Variants in CD48 observed in about 807,000 individuals in gnomAD.
CD48 encodes CD48 molecule.
In CD48, 20 loss-of-function variants were observed where a neutral mutation model predicts 22.0. The ratio of observed to expected loss-of-function variants is 0.91; its 90% CI spans 0.64 to 1.32. CD48 has a LOEUF of 1.32. Ranked by LOEUF, CD48 falls within the 40% of genes most tolerant of loss-of-function variation. CD48 has a pLI of 0.00. For missense variants in CD48, 307 were observed against 286.5 expected (o/e 1.07, Z -0.52); for synonymous variants, 110 against 110.1 (o/e 1.00, Z 0.01).
At chr1:160,681,751 G>GT (rs1306106979) in intron 2 of CD48, among the ~76,000 whole-genome samples, 2 of 152,180 alleles carry the variant, frequency 1.3e-5, no homozygotes, top group Non-Finnish European at 2.9e-5. Flanking sequence ...TTATGATCGT[G>GT]TGTGAGCCTG....
intron 1 of CD48, among the ~76,000 whole-genome samples, chr1:160,701,731 G>T (rs1364923236): frequency 6.6e-6 from 1 of 152,050 alleles, no homozygotes; most frequent in South Asian, 2.1e-4. Flanking sequence ...TGACCATCAG[G>T]GCCAGTGCAA....
At chr1:160,684,707 G>T (rs768684339) in intron 2 of CD48, 180 bp downstream of exon 2, 227 of 1,510,310 alleles carry the variant, frequency 1.5e-4, no homozygotes, top group Non-Finnish European at 1.9e-4. Flanking sequence ...TGTTAATTTG[G>T]ATATCTGTTG....
At chr1:160,691,313 C>T (rs531273351) in intron 1 of CD48, among the ~76,000 whole-genome samples, 3 of 152,266 alleles carry the variant, frequency 2.0e-5, no homozygotes, top group South Asian at 2.1e-4. Flanking sequence ...TGGAATGTCT[C>T]GGTATAAAAC....
intron 1 of CD48, among the ~76,000 whole-genome samples, chr1:160,696,276 A>G (rs925733027): frequency 9.9e-5 from 15 of 152,056 alleles, no homozygotes; most frequent in Non-Finnish European, 1.3e-4. Flanking sequence ...CAGATTCTGC[A>G]TATGTAGTAC....
intron 1 of CD48, among the ~76,000 whole-genome samples, chr1:160,693,971 G>C (rs1302191970): frequency 6.6e-6 from 1 of 152,244 alleles, no homozygotes; most frequent in Non-Finnish European, 1.5e-5. Context: ...TACTATACAA[G>C]CAGTCTCTCT....
intron 1 of CD48, among the ~76,000 whole-genome samples, chr1:160,695,123 AGG>A (rs1446812366): frequency 6.6e-6 from 1 of 152,238 alleles, no homozygotes; most frequent in Non-Finnish European, 1.5e-5. Context: ...CTGGCAGAGC[AGG>A]ATTGTGAAAA....
intron 1 of CD48, among the ~76,000 whole-genome samples, chr1:160,703,576 A>T (rs2102435777): frequency 6.6e-6 from 1 of 152,322 alleles, no homozygotes; most frequent in East Asian, 1.9e-4. Context: ...CTACCTTAAC[A>T]GAGCTTGCAT....
At chr1:160,680,141 C>G (rs6663667) in intron 3 of CD48, among the ~76,000 whole-genome samples, 11,029 of 152,302 alleles carry the variant, frequency 0.072, 534 homozygotes, top group Non-Finnish European at 0.1. Context: ...GCCAGAATCC[C>G]TGATGACTGG....
At chr1:160,682,296 G>C (rs1442648703) in intron 2 of CD48, among the ~76,000 whole-genome samples, 1 of 144,192 alleles carries the variant, frequency 6.9e-6, no homozygotes, top group South Asian at 2.2e-4. Flanking sequence ...AAAAAAAAAA[G>C]AAAGAAAAGA....
chr1:160,696,333 C>A (rs181641870), intron 1 of CD48, among the ~76,000 whole-genome samples: 3,481 of 149,442 alleles, frequency 0.023, no homozygotes, highest in East Asian at 0.096. Flanking sequence ...ATAGCATGGA[C>A]GATCAGTTAA....
In CD48 at chr1:160,682,948, G is replaced by T. The variant is rs536351613; in HGVS notation, c.386-1480C>A. ...TCCCATAAGATTAAAAATTGGCAGA[G>T]AATTGACCAGATCAGAGCTTGCCTC... On this transcript the variant is annotated intron_variant, in intron 2 of 3. Coordinates refer to ENST00000368046, the MANE Select transcript of CD48 (RefSeq NM_001778.4). Among the ~76,000 whole-genome samples the T allele has an allele frequency of 7.9e-5, 12 of 152,292 alleles. No homozygotes were observed. In the South Asian group the frequency reaches 2.5e-3, roughly 32 times the overall value.
At chr1:160,689,285 G>A (rs772101664) in intron 1 of CD48, among the ~76,000 whole-genome samples, 15 of 151,636 alleles carry the variant, frequency 9.9e-5, no homozygotes, top group Non-Finnish European at 1.5e-5. Context: ...GTCATCTGTG[G>A]CTCTAGGCAT....
intron 1 of CD48, among the ~76,000 whole-genome samples, chr1:160,688,737 G>A (rs549764684): frequency 1.3e-5 from 2 of 152,132 alleles, no homozygotes; most frequent in African/African-American, 2.4e-5. Context: ...ACGAGGCTTG[G>A]GGGGCGGGTA....
At chr1:160,682,457 C>CAA (rs71579678) in intron 2 of CD48, among the ~76,000 whole-genome samples, 5,056 of 53,168 alleles carry the variant, frequency 0.095, 188 homozygotes, top group East Asian at 0.3. Flanking sequence ...AGAAGACCTT[C>CAA]AAAAAAAAAA....
intron 1 of CD48, among the ~76,000 whole-genome samples, chr1:160,707,460 G>T (rs369041331): frequency 9.1e-4 from 138 of 152,304 alleles, no homozygotes; most frequent in African/African-American, 2.9e-3. Context: ...AGCAGAGTTA[G>T]TGGCACAGGT....
At chr1:160,691,966 G>C (rs1389278101) in intron 1 of CD48, 1 of 231,006 alleles carries the variant, frequency 4.3e-6, no homozygotes, top group Non-Finnish European at 8.3e-6. Context: ...TTTAAAAAGA[G>C]GGGGAGTTAG....
At chr1:160,688,125 G>A (rs1037251286) in intron 1 of CD48, among the ~76,000 whole-genome samples, 7 of 152,130 alleles carry the variant, frequency 4.6e-5, no homozygotes, top group Non-Finnish European at 8.8e-5. Flanking sequence ...ATTTTTGATG[G>A]ATGCCTTGTT....
intron 1 of CD48, among the ~76,000 whole-genome samples, chr1:160,690,058 A>G (rs1447902283): frequency 6.6e-6 from 1 of 152,170 alleles, no homozygotes; most frequent in Non-Finnish European, 1.5e-5. Flanking sequence ...GACTGTTTGG[A>G]CAATTGGGTT....
At chr1:160,697,234 A>C (rs1432911230) in intron 1 of CD48, among the ~76,000 whole-genome samples, 5 of 152,296 alleles carry the variant, frequency 3.3e-5, no homozygotes, top group African/African-American at 9.6e-5. Context: ...GTGTTTCACC[A>C]GGAGAAAATC....
Sources: gnomAD v4.1 joint callset for allele counts (sites outside exome capture counted in the v4.1 genomes callset) on GRCh38, gnomAD v4.1.1 for gene constraint, MANE v1.5 for transcripts, NCBI Gene and HGNC (gene_info 2026-07-23, HGNC 2026-07-21) for gene names.